The following SPATA22 variants were observed in gnomAD, a reference collection of about 807,000 sequenced individuals.
SPATA22 encodes the protein spermatogenesis-associated protein 22.
A neutral mutation model predicts 47.8 loss-of-function variants in SPATA22; 29 were observed. The ratio of observed to expected loss-of-function variants is 0.61; its 90% CI spans 0.45 to 0.83. SPATA22 has a LOEUF of 0.83. SPATA22 is among the 40% of genes least tolerant of loss of function. The probability of loss-of-function intolerance (pLI) is 0.00; values close to 1 mark genes in which losing one functional copy is unlikely to be tolerated. For missense variants in SPATA22, 410 were observed against 421.7 expected, an observed-to-expected ratio of 0.97 and a Z score of 0.24; for synonymous variants, 133 against 140.9, an observed-to-expected ratio of 0.94 and a Z score of 0.40.
intron 1 of SPATA22, among the ~76,000 whole-genome samples, chr17:3,493,560 CAAAAAAAAAAAA>C (rs746229421): frequency 3.5e-5 from 2 of 56,384 alleles, no homozygotes; most frequent in Non-Finnish European, 3.1e-5. Context: ...GGTTCCATCT[CAAAAAAAAAAAA>C]AAAAAAAAAA....
chr17:3,476,674 T>C (rs189874825), upstream of SPATA22, among the ~76,000 whole-genome samples: 2 of 152,166 alleles, frequency 1.3e-5, no homozygotes, highest in Admixed American at 6.5e-5. Flanking sequence ...TAGAAAAGGG[T>C]TTTGTTTTAA....
intron 1 of SPATA22, among the ~76,000 whole-genome samples, chr17:3,505,629 C>T (rs932044269): frequency 7.9e-5 from 12 of 152,124 alleles, no homozygotes; most frequent in Admixed American, 7.9e-4. Flanking sequence ...GAGGCCTATA[C>T]GGGTCATGGA....
At chr17:3,469,569 T>C (rs1433322849) in intron 1 of SPATA22, among the ~76,000 whole-genome samples, 171 bp from the exon 2 acceptor site, 2 of 152,230 alleles carry the variant, frequency 1.3e-5, no homozygotes, top group East Asian at 1.9e-4. Flanking sequence ...TTTCCAACCC[T>C]GTTCAAATTA....
chr17:3,497,085 G>C (rs541863496), intron 1 of SPATA22, among the ~76,000 whole-genome samples: 1 of 152,124 alleles, frequency 6.6e-6, no homozygotes, highest in African/African-American at 2.4e-5. Context: ...AAAAAATGCT[G>C]ATTTCTGAGT....
At chr17:3,474,151 C>T (rs1245037533), upstream of SPATA22, 2 of 152,142 alleles carry the variant, frequency 1.3e-5, no homozygotes, top group Non-Finnish European at 2.9e-5. Context: ...CCACAGAAGA[C>T]AAACTCTGTA....
chr17:3,469,425 T>C, intron 1 of SPATA22, 27 bp from the exon 2 acceptor site: 9 of 897,120 alleles, frequency 1.0e-5, no homozygotes, highest in South Asian at 5.0e-5. Flanking sequence ...TTATAACTCG[T>C]ATTGTCTCAA....
chr17:3,497,821 T>A lies in SPATA22; in HGVS notation c.-74+15591A>T, dbSNP rs749816154. ...GTGATGCGGATGCTGCTGGGAAATG[T>A]TAGACATGCAGAATCCCAGGCCCCC... On this transcript the variant is annotated intron_variant, in intron 1 of 8. Transcript: ENST00000541913. Among the ~76,000 whole-genome samples, 81 of 152,152 alleles carry A rather than the reference T, an allele frequency of 5.3e-4. 1 individual carries two copies. Among genetic ancestry groups the A allele is most frequent in the Non-Finnish European group, 1.0e-3 (70 of 68,026 alleles).
intron 3 of SPATA22, among the ~76,000 whole-genome samples, chr17:3,463,785 A>G (rs980577021): frequency 6.6e-6 from 1 of 152,162 alleles, no homozygotes; most frequent in African/African-American, 2.4e-5. Flanking sequence ...TGACCAAAAC[A>G]TGGTTATGCA....
chr17:3,494,058 C>A (rs952724666), intron 1 of SPATA22, among the ~76,000 whole-genome samples: 23 of 143,604 alleles, frequency 1.6e-4, no homozygotes, highest in African/African-American at 5.9e-4. Context: ...TTTTTTGAGA[C>A]AGAGTTTCAC....
At chr17:3,461,043 T>C (rs565922566) in intron 5 of SPATA22, among the ~76,000 whole-genome samples, 1 of 152,294 alleles carries the variant, frequency 6.6e-6, no homozygotes, top group Non-Finnish European at 1.5e-5. Context: ...AATAGGAGTG[T>C]ACTTTGCTCT....
intron 1 of SPATA22, chr17:3,502,341 A>C (rs2150767222): frequency 6.6e-6 from 1 of 152,372 alleles, no homozygotes; most frequent in Middle Eastern, 3.4e-3. Context: ...TGTGTGGCTC[A>C]TCTGTTATAA....
At chr17:3,483,388 C>T (rs2073667329) in intron 1 of SPATA22, 2 of 893,832 alleles carry the variant, frequency 2.2e-6, no homozygotes, top group Non-Finnish European at 3.7e-6. Context: ...GCTGTCTTAC[C>T]AATCTTAGTT....
rs753114524 is a variant in SPATA22, at chr17:3,440,325, G to A, written c.914C>T (p.Pro305Leu). The A allele has an allele frequency of 1.2e-5, 18 of 1,508,594 alleles. No individual in the cohort carries two copies. Among genetic ancestry groups the A allele is most frequent in the African/African-American group, 2.8e-5 (2 of 70,300 alleles). 93.5% of individuals were successfully genotyped at this position (1,508,594 alleles called of 1,614,324 possible). A position where few individuals can be genotyped will look rare whatever the true frequency, so the allele number is the denominator to read the frequency against. The change falls in exon 9 of 9, where the codon CCG (proline) becomes CTG (leucine). Residue 305 changes from proline (P) to leucine (L), a missense_variant. By Grantham distance (98) the Pro-to-Leu change is moderately conservative (BLOSUM62 -3). Transcript: ENST00000572969. ...ATGAACTCGGCCTCTAATCAGTCTC[G>A]GAAGTTCACGATCCTGTTTTTCAAA... ...CVFYEIDREL[P>L]RLIRGRVHRC... is the part of the protein sequence containing the mutation.
rs779059023 is a variant in SPATA22, at chr17:3,443,232, G to A, written c.842C>T (p.Ser281Leu). ...DSAVTPGPYY[S>L]KTFLMRDGKN... ...CCCATCCCTCATAAGAAAAGTCTTC[G>A]AATAATATGGGCCAGGTGTAACAGC... The change falls in exon 8 of 9, where the codon TCG becomes TTG. Residue 281 changes from serine (S) to leucine (L), a missense_variant. By Grantham distance (145) the Ser-to-Leu change is moderately radical. Transcript: ENST00000572969. 12 of 1,610,630 alleles carry A rather than the reference G, an allele frequency of 7.5e-6. No individual in the cohort carries two copies. The highest frequency in any genetic ancestry group is 1.7e-4 in the Middle Eastern group (1 of 6,042).
chr17:3,476,097 A>G (rs2073517150), upstream of SPATA22: 15 of 1,487,594 alleles, frequency 1.0e-5, no homozygotes, highest in South Asian at 1.2e-4. Flanking sequence ...TTTCTTAAGA[A>G]AATCGAATTT....
chr17:3,493,186 G>C (rs768020947), intron 1 of SPATA22, among the ~76,000 whole-genome samples: 2 of 152,108 alleles, frequency 1.3e-5, no homozygotes, highest in Non-Finnish European at 2.9e-5. Flanking sequence ...TGCATCTTTG[G>C]AAGTTGGTCT....
intron 1 of SPATA22, among the ~76,000 whole-genome samples, chr17:3,492,476 C>T (rs1383525837): frequency 6.6e-6 from 1 of 152,136 alleles, no homozygotes; most frequent in African/African-American, 2.4e-5. Context: ...TTCCCTTTCC[C>T]GCGTCCACAT....
chr17:3,506,126 C>A (rs1414292857), intron 1 of SPATA22, among the ~76,000 whole-genome samples: 2 of 152,144 alleles, frequency 1.3e-5, no homozygotes, highest in Admixed American at 1.3e-4. Flanking sequence ...CCTGTAGAGA[C>A]CTTTGTATGC....
chr17:3,462,706 C>T lies in SPATA22; in HGVS notation c.233+1G>A. ...CCAATGGTTTATATTTCTCCACATA[C>T]CCGGTGTCCACTGTTTTCATTACAG... On this transcript the variant is annotated splice_donor_variant, in intron 4 of 8. Coordinates refer to ENST00000572969, the MANE Select transcript of SPATA22 (RefSeq NM_001170698.2). LOFTEE classifies it high-confidence loss of function. 1 of 1,611,448 alleles carries T rather than the reference C, an allele frequency of 6.2e-7. No homozygotes were observed. The highest frequency in any genetic ancestry group is 1.7e-4 in the Middle Eastern group (1 of 6,054).
Sources: gnomAD v4.1 joint callset for allele counts (sites outside exome capture counted in the v4.1 genomes callset) on GRCh38, gnomAD v4.1.1 for gene constraint, MANE v1.5 for transcripts, NCBI Gene and HGNC (gene_info 2026-07-23, HGNC 2026-07-21) for gene names.